TBX10: variants seen among roughly 807,000 people sequenced by gnomAD.
The protein encoded by TBX10 is T-box transcription factor 10.
Under a neutral mutation model 32.4 loss-of-function variants are expected in TBX10, and 26 were observed. The observed-to-expected ratio is 0.80, with a 90% CI of 0.59 to 1.11. The LOEUF is 1.11. Among genes scored for constraint, TBX10 ranks in the 50% most tolerant of loss-of-function variants. The pLI, the probability that TBX10 is intolerant of heterozygous loss-of-function variation, is 0.00. For missense variants in TBX10, 490 were observed against 494.5 expected (o/e 0.99, Z 0.09); for synonymous variants, 195 against 203.1 (o/e 0.96, Z 0.34).
chr11:67,635,128 G>C lies in TBX10; in HGVS notation c.143C>G (p.Ala48Gly). The C allele has an allele frequency of 6.2e-7, 1 of 1,613,822 alleles. No homozygotes were observed. The highest frequency in any genetic ancestry group is 8.5e-7 in the Non-Finnish European group (1 of 1,180,032). The part of the protein sequence containing the change: ...GPCTSSTGAQ[A>G]VAEPTGQGPK... ...GCCCTGCCCAGTGGGCTCGGCCACAGCTTGGGCCCCAGTAGAGCTGGTGCA... is the reference window on the plus strand; with the variant it reads ...GCCCTGCCCAGTGGGCTCGGCCACACCTTGGGCCCCAGTAGAGCTGGTGCA... The change falls in exon 2 of 8, where the codon GCT becomes GGT. Residue 48 changes from alanine (A) to glycine (G), a missense_variant. Ala to Gly is a moderately conservative substitution (Grantham distance 60, BLOSUM62 0). This residue lies in a region of TBX10 where 307 missense variants were observed against 294.9 expected (regional missense o/e 1.04). Coordinates refer to ENST00000335385, the MANE Select transcript of TBX10 (RefSeq NM_005995.5).
rs200376968 is a variant in TBX10 at position 67,634,330 on chromosome 11, C to T, written c.408G>A (p.Val136=). 3 of 1,606,574 alleles carry T rather than the reference C, an allele frequency of 1.9e-6. No homozygotes were observed. In the African/African-American group the frequency reaches 4.0e-5, roughly 21 times the overall value. ...RYAFHSSAWL[V]AGKADPATPG... ...GTGTGGCTGGGTCTGCCTTGCCCGC[C>T]ACCAGCCAGGCCGAGCTGTGGAAGG... The change falls in exon 4 of 8, where the codon GTG becomes GTA. Residue 136 remains valine, a synonymous_variant. Coordinates refer to ENST00000335385, the MANE Select transcript of TBX10 (RefSeq NM_005995.5).
In TBX10 at chr11:67,639,621, C is replaced by G. The variant is rs754163873; in HGVS notation, c.-149G>C. 1 of 1,026,620 alleles carries G rather than the reference C, an allele frequency of 9.7e-7. No individual in the cohort carries two copies. 63.6% of individuals were successfully genotyped at this position (1,026,620 alleles called of 1,614,324 possible). Reference sequence around the variant, plus strand: ...CACAAGCTGTAGTCTCTCGGCAGGACGGTCCTTGCCTCCTCGATCGCCCTT... The same window carrying G: ...CACAAGCTGTAGTCTCTCGGCAGGAGGGTCCTTGCCTCCTCGATCGCCCTT... On this transcript the variant is annotated 5_prime_UTR_variant, in exon 1 of 8. Transcript: ENST00000335385.
chr11:67,634,176 GC>G lies in TBX10; in HGVS notation c.549+12del. Reference sequence around the variant, plus strand: ...CCCAGGCCCTTCCGTCCCCACCGTGGCCCCGGCCTCACGTGGCCATTGTCAT... The same window carrying G: ...CCCAGGCCCTTCCGTCCCCACCGTGGCCCGGCCTCACGTGGCCATTGTCAT... On this transcript the variant is annotated intron_variant, in intron 4 of 7. Coordinates refer to ENST00000335385, the MANE Select transcript of TBX10 (RefSeq NM_005995.5). The G allele has an allele frequency of 6.2e-7, 1 of 1,611,818 alleles. No homozygotes were observed. The highest frequency in any genetic ancestry group is 8.5e-7 in the Non-Finnish European group (1 of 1,179,954).
intron 1 of TBX10, among the ~76,000 whole-genome samples, chr11:67,635,957 T>TA (rs1165249723): frequency 1.3e-5 from 2 of 151,150 alleles, no homozygotes; most frequent in African/African-American, 4.9e-5. Context: ...CCCCTCCAAT[T>TA]AAAAAAAATC....
rs188753433 is a variant in TBX10, at chr11:67,639,324, G to A, written c.7+142C>T. ...TGAGCCCTGTCCCGTTGGGATCTCAGACCTTAGCCTGGGGTGCCCCTGCCC... is the reference window on the plus strand; with the variant it reads ...TGAGCCCTGTCCCGTTGGGATCTCAAACCTTAGCCTGGGGTGCCCCTGCCC... On this transcript the variant is annotated intron_variant, in intron 1 of 7. Coordinates refer to ENST00000335385, the MANE Select transcript of TBX10 (RefSeq NM_005995.5). 27 of 1,224,904 alleles carry A rather than the reference G, an allele frequency of 2.2e-5. 1 individual carries two copies. In the African/African-American group the frequency reaches 3.4e-4, roughly 16 times the overall value. The allele number at this position is 1,224,904 out of a possible 1,614,324, so 75.9% of individuals were successfully genotyped here.
At chr11:67,636,073 CTTTT>C (rs60139069) in intron 1 of TBX10, among the ~76,000 whole-genome samples, 7 of 98,016 alleles carry the variant, frequency 7.1e-5, no homozygotes, top group African/African-American at 1.5e-4. Context: ...ATTAGAACTC[CTTTT>C]TTTTTTTTTT....
At position 67,635,194 on chromosome 11, in the gene TBX10, C is replaced by T. The variant is rs761413865; in HGVS notation, c.77G>A (p.Gly26Asp). 1 of 1,613,838 alleles carries T rather than the reference C, an allele frequency of 6.2e-7. No homozygotes were observed. Among genetic ancestry groups the T allele is most frequent in the Non-Finnish European group, 8.5e-7 (1 of 1,180,026 alleles). Residue 26 changes from glycine (G) to aspartate (D), a missense_variant, in exon 2 of 8, where the codon GGC (glycine) becomes GAC (aspartate). By Grantham distance (94) the Gly-to-Asp change is moderately conservative. Around this residue, in one of 3 missense-constraint regions of TBX10, gnomAD observed 307 missense variants for 294.9 expected, o/e 1.04. Coordinates refer to ENST00000335385, the MANE Select transcript of TBX10 (RefSeq NM_005995.5). ...TGGTGACCCCAGCCGGGGCTCCCAG[C>T]CAGAGCTGGTTGTAGGTAGGGGGTA... ...ETYPLPTTSS[G>D]WEPRLGSPFP...
At chr11:67,638,986 G>A (rs964979192) in intron 1 of TBX10, among the ~76,000 whole-genome samples, 19 of 152,278 alleles carry the variant, frequency 1.2e-4, no homozygotes, top group Non-Finnish European at 2.4e-4. Context: ...AAGTCCTCTA[G>A]GGGCTCACCC....
intron 4 of TBX10, among the ~76,000 whole-genome samples, chr11:67,633,727 C>T (rs1565233759): frequency 6.6e-6 from 1 of 152,244 alleles, no homozygotes; most frequent in South Asian, 2.1e-4. Context: ...CTGAGAGCAG[C>T]AGCACCCTTT....
At chr11:67,633,274 C>A (rs1855269208) in intron 4 of TBX10, among the ~76,000 whole-genome samples, 171 bp from the exon 5 acceptor site, 1 of 152,118 alleles carries the variant, frequency 6.6e-6, no homozygotes. Context: ...TCAAAGGCCC[C>A]TTTGGATCAT....
intron 1 of TBX10, among the ~76,000 whole-genome samples, chr11:67,636,139 G>A (rs891403409): frequency 3.4e-5 from 5 of 148,340 alleles, no homozygotes; most frequent in African/African-American, 1.2e-4. Flanking sequence ...AGTGCAGCGG[G>A]AGCTCTGTCA....
chr11:67,635,906 A>G (rs1288014626), intron 1 of TBX10, among the ~76,000 whole-genome samples: 2 of 152,050 alleles, frequency 1.3e-5, no homozygotes, highest in Admixed American at 6.6e-5. Context: ...TTGATCTGCA[A>G]TCCCGGCACA....
intron 7 of TBX10, 128 bp from the exon 8 acceptor site, chr11:67,632,022 C>G (rs1161386189): frequency 2.2e-6 from 3 of 1,352,890 alleles, no homozygotes; most frequent in African/African-American, 1.5e-5. Context: ...CTTTGCTTTT[C>G]CCTCTGCCTG....
chr11:67,631,931 C>T (rs773998183), intron 7 of TBX10, 37 bp from the exon 8 acceptor site: 3 of 1,553,986 alleles, frequency 1.9e-6, no homozygotes, highest in African/African-American at 1.4e-5. Flanking sequence ...GGCCTCCCAT[C>T]GCATCCTCAT....
At chr11:67,641,446 C>T (rs1373202642), upstream of TBX10, among the ~76,000 whole-genome samples, 3 of 152,240 alleles carry the variant, frequency 2.0e-5, no homozygotes. Context: ...TCCCTGCACA[C>T]CCCTCCCCGG....
At chr11:67,639,340 G>T in intron 1 of TBX10, 126 bp downstream of exon 1, 2 of 1,370,990 alleles carry the variant, frequency 1.5e-6, no homozygotes, top group Non-Finnish European at 2.0e-6. Context: ...AGCCTGGGGT[G>T]CCCCTGCCCC....
chr11:67,632,083 A>G (rs1855245418), intron 7 of TBX10, among the ~76,000 whole-genome samples, 189 bp from the exon 8 acceptor site: 1 of 152,044 alleles, frequency 6.6e-6, no homozygotes, highest in Admixed American at 6.5e-5. Flanking sequence ...CAGTCCTCCA[A>G]GGCCCAGCTT....
chr11:67,633,038 C>G lies in TBX10; in HGVS notation c.615G>C (p.Lys205Asn). The G allele has an allele frequency of 6.2e-7, 1 of 1,614,172 alleles. No individual in the cohort carries two copies. The highest frequency in any genetic ancestry group is 1.3e-5 in the African/African-American group (1 of 75,064). ...TCTCCTGGGCATAGCGCTCACTGTC[C>G]TTGCGTGGGTCCACGAAGACCACGT... ...RFHVVFVDPRKDSERYAQENF... is the reference protein window; with the variant it reads ...RFHVVFVDPRNDSERYAQENF... Residue 205 changes from lysine to asparagine, a missense_variant, in exon 5 of 8, where the codon AAG (lysine) becomes AAC (asparagine). By Grantham distance (94) the Lys-to-Asn change is moderately conservative. Around this residue, in one of 3 missense-constraint regions of TBX10, gnomAD observed 307 missense variants for 294.9 expected, o/e 1.04. Transcript: ENST00000335385.
At chr11:67,632,499 C>T (rs3765088) in intron 6 of TBX10, 87 bp from the exon 7 acceptor site, 849,715 of 1,583,224 alleles carry the variant, frequency 0.54, 236,969 homozygotes, top group East Asian at 0.64. Flanking sequence ...GGTGGGGCCC[C>T]AGGATGGGTC....
Sources: gnomAD v4.1 joint callset for allele counts (sites outside exome capture counted in the v4.1 genomes callset) on GRCh38, gnomAD v4.1.1 for gene constraint, gnomAD v4.1.1 regional missense constraint, MANE v1.5 for transcripts, NCBI Gene and HGNC (gene_info 2026-07-23, HGNC 2026-07-21) for gene names.